The following CRMP1 variants were observed in gnomAD, a reference collection of about 807,000 sequenced individuals.
The protein encoded by CRMP1 is collapsin response mediator protein 1.
A neutral mutation model predicts 68.3 loss-of-function variants in CRMP1; 19 were observed. The ratio of observed to expected loss-of-function variants is 0.28; its 90% CI spans 0.19 to 0.41. The LOEUF is 0.41. Among genes scored for constraint, CRMP1 ranks in the 10% least tolerant of loss-of-function variants. The probability of loss-of-function intolerance (pLI) is 1.00; values close to 1 mark genes in which losing one functional copy is unlikely to be tolerated. For synonymous variants in CRMP1, 439 were observed against 399.6 expected (o/e 1.10, Z -1.18); for missense variants, 791 against 967.4 (o/e 0.82, Z 2.42).
chr4:5,823,524 C>T (rs998592202), intron 13 of CRMP1, among the ~76,000 whole-genome samples: 2 of 152,166 alleles, frequency 1.3e-5, no homozygotes, highest in African/African-American at 4.8e-5. Context: ...GGAGGTGGGG[C>T]CTAATGGGAG....
rs1712847538 is a variant in CRMP1, at chr4:5,853,951, G to A, written c.820+2192C>T. 6.6e-6 allele frequency among the ~76,000 whole-genome samples: 1 copy of A among 152,236 alleles called. No homozygotes were observed. The highest frequency in any genetic ancestry group is 2.1e-4 in the South Asian group (1 of 4,832). The stretch of plus-strand genomic sequence containing the variant: ...TGAGCACCATCGCCATTCGCCTGCT[G>A]GTGACCCAGCCCAGATGCGCACAGC... On this transcript the variant is annotated intron_variant, in intron 4 of 13. Coordinates refer to ENST00000324989, the MANE Select transcript of CRMP1 (RefSeq NM_001014809.3). This position sits in a 1 kb window ranked among gnomAD's most constrained non-coding sequence, Gnocchi z 4.7.
At position 5,865,668 on chromosome 4, in the gene CRMP1, C is replaced by T. The variant is rs1220797486; in HGVS notation, c.470+1000G>A. Among the ~76,000 whole-genome samples, 3 of 151,512 alleles carry T rather than the reference C, an allele frequency of 2.0e-5. No individual in the cohort carries two copies. The highest frequency in any genetic ancestry group is 2.0e-4 in the Admixed American group (3 of 15,216). ...CCGCCGCCTACAGACCCCTGCCTGG[C>T]GTTATGGACTGAATTGTATCTCCCA... On this transcript the variant is annotated intron_variant, in intron 2 of 13. Transcript: ENST00000324989. The surrounding 1 kb of genome is among the most constrained non-coding windows in gnomAD (Gnocchi z 4.1).
rs1029256755 is a variant in CRMP1, at chr4:5,885,445, C to T, written c.381+7144G>A. 3.9e-5 allele frequency among the ~76,000 whole-genome samples: 6 copies of T among 152,212 alleles called. No individual in the cohort carries two copies. In the East Asian group the frequency reaches 1.2e-3, roughly 29 times the overall value. On this transcript the variant is annotated intron_variant, in intron 1 of 13. Coordinates refer to ENST00000324989, the MANE Select transcript of CRMP1 (RefSeq NM_001014809.3). ...TGATCCTTTCCAAGCCCCCAGGTCT[C>T]TCCACAGGCCACACACCATGGCTGT...
rs1157007795 is a variant in CRMP1, at chr4:5,843,056, G to C, written c.1032+37C>G. Reference sequence around the variant, plus strand: ...AGCATCAAGGTGAGTGCTCAGTGGTGAGTGTCAGAGTCATGCCCAAGTTGA... The same window carrying C: ...AGCATCAAGGTGAGTGCTCAGTGGTCAGTGTCAGAGTCATGCCCAAGTTGA... On this transcript the variant is annotated intron_variant, in intron 7 of 13. Transcript: ENST00000324989. This position sits in a 1 kb window ranked among gnomAD's most constrained non-coding sequence, Gnocchi z 4.1. 23 of 1,596,346 alleles carry C rather than the reference G, an allele frequency of 1.4e-5. No homozygotes were observed. The East Asian group carries it at 5.1e-4, about 36-fold the overall frequency.
At chr4:5,824,512 C>T in intron 13 of CRMP1, 1 of 985,272 alleles carries the variant, frequency 1.0e-6, no homozygotes, top group Middle Eastern at 5.2e-4. Context: ...TTGCCCCTTC[C>T]ACTCTCTCTT....
chr4:5,874,885 T>C (rs373823568), intron 1 of CRMP1, among the ~76,000 whole-genome samples: 13 of 152,278 alleles, frequency 8.5e-5, no homozygotes, highest in African/African-American at 2.9e-4. Context: ...GCCTGGCAAG[T>C]GCAAAGCCTG....
In CRMP1 at chr4:5,829,148, C is replaced by T. The variant is rs192968773; in HGVS notation, c.1624-480G>A. Among the ~76,000 whole-genome samples, 5 of 152,314 alleles carry T rather than the reference C, an allele frequency of 3.3e-5. No homozygotes were observed. The East Asian group carries it at 7.7e-4, about 24-fold the overall frequency. ...GGGTTCAGATCAATTGACACGATAT[C>T]GGCACTTACCCCCTCCAGCATTGGG... On this transcript the variant is annotated intron_variant, in intron 11 of 13. Coordinates refer to ENST00000324989, the MANE Select transcript of CRMP1 (RefSeq NM_001014809.3).
In CRMP1 at chr4:5,888,091, G is replaced by C. The variant is rs1474682644; in HGVS notation, c.381+4498C>G. ...GGGAGGGGGCTGAAATCCCGAGACC[G>C]GCCCCGCCCCACCCGCGGCGACGCA... On this transcript the variant is annotated intron_variant, in intron 1 of 13. Transcript: ENST00000324989. The surrounding 1 kb of genome is among the most constrained non-coding windows in gnomAD (Gnocchi z 6.4). The C allele has an allele frequency of 9.7e-7, 1 of 1,028,586 alleles. No homozygotes were observed. Among genetic ancestry groups the C allele is most frequent in the Non-Finnish European group, 1.2e-6 (1 of 807,564 alleles). 63.7% of individuals were successfully genotyped at this position (1,028,586 alleles called of 1,614,324 possible). A position where few individuals can be genotyped will look rare whatever the true frequency, so the allele number is the denominator to read the frequency against.
chr4:5,843,449 G>A lies in CRMP1; in HGVS notation c.964-288C>T, dbSNP rs985543567. Among the ~76,000 whole-genome samples the A allele has an allele frequency of 6.6e-6, 1 of 151,990 alleles. No individual in the cohort carries two copies. The highest frequency in any genetic ancestry group is 2.4e-5 in the African/African-American group (1 of 41,384). On this transcript the variant is annotated intron_variant, in intron 6 of 13. Transcript: ENST00000324989. This position sits in a 1 kb window ranked among gnomAD's most constrained non-coding sequence, Gnocchi z 4.1. ...GGGTTATAAGACACGAGCTTCCAAGGCCACCCACCACTCTCTGAATCTCGG... is the reference window on the plus strand; with the variant it reads ...GGGTTATAAGACACGAGCTTCCAAGACCACCCACCACTCTCTGAATCTCGG...
intron 11 of CRMP1, among the ~76,000 whole-genome samples, chr4:5,831,018 G>T (rs1720345683): frequency 6.6e-6 from 1 of 152,144 alleles, no homozygotes; most frequent in Non-Finnish European, 1.5e-5. Context: ...GCACGATCAT[G>T]GCTCACTATA....
At chr4:5,867,355 C>G (rs1176068337) in intron 1 of CRMP1, among the ~76,000 whole-genome samples, 1 of 152,168 alleles carries the variant, frequency 6.6e-6, no homozygotes, top group Non-Finnish European at 1.5e-5. Context: ...CCTCCCTTTT[C>G]AATGTCATTC....
At chr4:5,857,391 TCCCA>T (rs1320475406) in intron 3 of CRMP1, among the ~76,000 whole-genome samples, 2 of 151,716 alleles carry the variant, frequency 1.3e-5, no homozygotes, top group Admixed American at 1.3e-4. Flanking sequence ...TCATAATCAC[TCCCA>T]CCATCATCAT....
chr4:5,878,812 T>G (rs1715029325), intron 1 of CRMP1, among the ~76,000 whole-genome samples: 1 of 152,188 alleles, frequency 6.6e-6, no homozygotes, highest in Non-Finnish European at 1.5e-5. Flanking sequence ...TATTTTTTTT[T>G]TTAATCCTTG....
chr4:5,876,342 A>G (rs189154183), intron 1 of CRMP1, among the ~76,000 whole-genome samples: 54 of 152,142 alleles, frequency 3.5e-4, no homozygotes, highest in Admixed American at 1.1e-3. Context: ...AGCAACTCCC[A>G]TGGCCCCCAC....
At chr4:5,873,396 A>G (rs1714597690) in intron 1 of CRMP1, among the ~76,000 whole-genome samples, 1 of 152,172 alleles carries the variant, frequency 6.6e-6, no homozygotes, top group South Asian at 2.1e-4. Context: ...TTGTGAAGAA[A>G]AGAAAAGAGG....
Position 5,825,448 on chromosome 4 carries a change from T to A in CRMP1, c.1969+46A>T. ...CAGAAGCAGCAGGAAGGACTCGGCC[T>A]GAACTGCTGCAATTGTGGGGAGCCT... is the stretch of plus-strand genomic sequence containing the variant. On this transcript the variant is annotated intron_variant, in intron 13 of 13. Coordinates refer to ENST00000324989, the MANE Select transcript of CRMP1 (RefSeq NM_001014809.3). The surrounding 1 kb of genome is among the most constrained non-coding windows in gnomAD (Gnocchi z 4.4). 1 of 1,525,322 alleles carries A rather than the reference T, an allele frequency of 6.6e-7. No homozygotes were observed. Among genetic ancestry groups the A allele is most frequent in the Non-Finnish European group, 8.7e-7 (1 of 1,144,698 alleles). 94.5% of individuals were successfully genotyped at this position (1,525,322 alleles called of 1,614,324 possible). A position where few individuals can be genotyped will look rare whatever the true frequency, so the allele number is the denominator to read the frequency against.
intron 1 of CRMP1, among the ~76,000 whole-genome samples, chr4:5,875,730 C>A (rs1195442660): frequency 1.1e-5 from 1 of 93,668 alleles, no homozygotes; most frequent in Non-Finnish European, 2.4e-5. Flanking sequence ...GTGCTGTCCG[C>A]GGTCCTGAAT....
In CRMP1 at chr4:5,838,156, G is replaced by A. The variant is rs1258985362; in HGVS notation, c.1311-1250C>T. 3.3e-5 allele frequency among the ~76,000 whole-genome samples: 5 copies of A among 152,256 alleles called. No homozygotes were observed. The highest frequency in any genetic ancestry group is 1.9e-4 in the East Asian group (1 of 5,174). ...GAAGTCACAGAGCAAACCATGTGGC[G>A]TCTAAGAAAGAGGGAACTAGCCAGG... On this transcript the variant is annotated intron_variant, in intron 9 of 13. Coordinates refer to ENST00000324989, the MANE Select transcript of CRMP1 (RefSeq NM_001014809.3). The surrounding 1 kb of genome is among the most constrained non-coding windows in gnomAD (Gnocchi z 4.9).
At chr4:5,845,706 C>T (rs1712139493) in intron 6 of CRMP1, among the ~76,000 whole-genome samples, 1 of 152,198 alleles carries the variant, frequency 6.6e-6, no homozygotes, top group South Asian at 2.1e-4. Context: ...ATGACTAGTA[C>T]AGGTTTTGTT....
Sources: gnomAD v4.1 joint callset for allele counts (sites outside exome capture counted in the v4.1 genomes callset) on GRCh38, gnomAD v4.1.1 for gene constraint, Gnocchi (gnomAD v3.1) non-coding constraint, MANE v1.5 for transcripts, NCBI Gene and HGNC (gene_info 2026-07-23, HGNC 2026-07-21) for gene names.